The following PELI1 variants were observed in gnomAD, a reference collection of about 807,000 sequenced individuals.
PELI1 encodes the protein pellino E3 ubiquitin protein ligase 1, also known as E3 ubiquitin-protein ligase pellino homolog 1.
Under a neutral mutation model 41.3 loss-of-function variants are expected in PELI1, and 15 were observed. The ratio of observed to expected loss-of-function variants is 0.36; its 90% CI spans 0.24 to 0.56. The LOEUF is 0.56. PELI1 is among the 20% of genes least tolerant of loss of function. The pLI is 0.82. For synonymous variants in PELI1, 178 were observed against 180.1 expected (o/e 0.99, Z 0.09); for missense variants, 403 against 525.5 (o/e 0.77, Z 2.28).
Position 64,093,389 on chromosome 2 carries a change from G to C in PELI1, c.*1313C>G, listed in dbSNP as rs549228302. ...TAAAAGTGTACTGGTTTCTACAAGT[G>C]TCAAAAAAAGATTTGATGTAGTGCA... On this transcript the variant is annotated 3_prime_UTR_variant, in exon 7 of 7. Coordinates refer to ENST00000358912, the MANE Select transcript of PELI1 (RefSeq NM_020651.4). 6.5e-6 allele frequency: 1 copy of C among 152,728 alleles called. No individual in the cohort carries two copies. Among genetic ancestry groups the C allele is most frequent in the East Asian group, 1.9e-4 (1 of 5,196 alleles). The allele number at this position is 152,728 out of a possible 1,614,324, so 9.5% of individuals were successfully genotyped here. A position where few individuals can be genotyped will look rare whatever the true frequency, so the allele number is the denominator to read the frequency against.
At chr2:64,110,198 T>C (rs1225038564) in intron 1 of PELI1, among the ~76,000 whole-genome samples, 5 of 143,688 alleles carry the variant, frequency 3.5e-5, no homozygotes, top group Non-Finnish European at 6.0e-5. Flanking sequence ...TGAGCCAAAA[T>C]TGCGCCACTG....
At chr2:64,140,813 A>AAAAAAAAC (rs1681886253) in intron 1 of PELI1, among the ~76,000 whole-genome samples, 2 of 148,672 alleles carry the variant, frequency 1.3e-5, no homozygotes, top group East Asian at 1.9e-4. Flanking sequence ...ACAAACAAAA[A>AAAAAAAAC]AAAACCTAGG....
At position 64,095,313 on chromosome 2, in the gene PELI1, G is replaced by C. The variant is rs534091975; in HGVS notation, c.691-45C>G. On this transcript the variant is annotated intron_variant, in intron 6 of 6. Coordinates refer to ENST00000358912, the MANE Select transcript of PELI1 (RefSeq NM_020651.4). Reference sequence around the variant, plus strand: ...AAAAACATATTCACCACTCTGTTTTGGATTTTTACATAAGTGTTTTGGTTT... The same window carrying C: ...AAAAACATATTCACCACTCTGTTTTCGATTTTTACATAAGTGTTTTGGTTT... 32 of 1,383,874 alleles carry C rather than the reference G, an allele frequency of 2.3e-5. No individual in the cohort carries two copies. In the African/African-American group the frequency reaches 3.6e-4, roughly 15 times the overall value. The allele number at this position is 1,383,874 out of a possible 1,614,324, so 85.7% of individuals were successfully genotyped here. A position where few individuals can be genotyped will look rare whatever the true frequency, so the allele number is the denominator to read the frequency against.
intron 1 of PELI1, among the ~76,000 whole-genome samples, chr2:64,140,913 G>C (rs886966131): frequency 6.6e-6 from 1 of 150,982 alleles, no homozygotes; most frequent in Non-Finnish European, 1.5e-5. Context: ...AATATTCTAT[G>C]GCACAGGTCA....
At chr2:64,133,213 T>G (rs1681607984) in intron 1 of PELI1, among the ~76,000 whole-genome samples, 2 of 152,124 alleles carry the variant, frequency 1.3e-5, no homozygotes, top group Non-Finnish European at 2.9e-5. Flanking sequence ...CCCCCATGAG[T>G]TTTCTTCAAT....
At chr2:64,120,405 C>A (rs1681168511) in intron 1 of PELI1, among the ~76,000 whole-genome samples, 1 of 152,218 alleles carries the variant, frequency 6.6e-6, no homozygotes, top group Non-Finnish European at 1.5e-5. Context: ...TAAAAGAATA[C>A]TAAAATTAAG....
At chr2:64,126,664 A>G (rs1681396659) in intron 1 of PELI1, among the ~76,000 whole-genome samples, 2 of 152,230 alleles carry the variant, frequency 1.3e-5, no homozygotes, top group African/African-American at 4.8e-5. Flanking sequence ...TAGAACAGAT[A>G]TCATATTAAT....
chr2:64,102,820 AGAG>A (rs1397730527), intron 3 of PELI1, among the ~76,000 whole-genome samples: 1 of 151,376 alleles, frequency 6.6e-6, no homozygotes, highest in African/African-American at 2.4e-5. Context: ...CAAAATTTAA[AGAG>A]GAGGAGTCAA....
intron 1 of PELI1, among the ~76,000 whole-genome samples, chr2:64,114,937 CACACAGTAA>C (rs1483584373): frequency 6.6e-6 from 1 of 152,108 alleles, no homozygotes; most frequent in Non-Finnish European, 1.5e-5. Context: ...TACTTCTTGG[CACACAGTAA>C]GGTACTTAAT....
At chr2:64,142,867 T>C (rs1681958351) in intron 1 of PELI1, among the ~76,000 whole-genome samples, 1 of 152,160 alleles carries the variant, frequency 6.6e-6, no homozygotes, top group Non-Finnish European at 1.5e-5. Flanking sequence ...CAAAAGATCA[T>C]GTGCAATGAA....
intron 2 of PELI1, among the ~76,000 whole-genome samples, chr2:64,107,006 G>A (rs1484057423): frequency 6.6e-6 from 1 of 152,132 alleles, no homozygotes; most frequent in Admixed American, 6.5e-5. Context: ...TCAGCTCACT[G>A]CAACCTCCTC....
At chr2:64,109,208 T>C (rs1160568922) in intron 1 of PELI1, among the ~76,000 whole-genome samples, 1 of 152,152 alleles carries the variant, frequency 6.6e-6, no homozygotes, top group Non-Finnish European at 1.5e-5. Context: ...GTAGGGACCC[T>C]TGACTTCTAT....
At chr2:64,104,951 A>C (rs1680573509) in intron 2 of PELI1, 121 bp from the exon 3 acceptor site, 1 of 767,766 alleles carries the variant, frequency 1.3e-6, no homozygotes, top group Admixed American at 3.1e-5. Flanking sequence ...CATTATAATT[A>C]TTTAAAATTC....
At chr2:64,117,674 A>G (rs754241770) in intron 1 of PELI1, among the ~76,000 whole-genome samples, 59 of 152,380 alleles carry the variant, frequency 3.9e-4, no homozygotes, top group Non-Finnish European at 7.1e-4. Context: ...AGAAATCATT[A>G]TTAAAAGATG....
At chr2:64,111,175 CAG>C (rs1338957150) in intron 1 of PELI1, among the ~76,000 whole-genome samples, 1 of 152,092 alleles carries the variant, frequency 6.6e-6, no homozygotes, top group Non-Finnish European at 1.5e-5. Context: ...CCTCCACCAA[CAG>C]ATTTCATAGG....
chr2:64,130,307 A>G (rs1365463035), intron 1 of PELI1, among the ~76,000 whole-genome samples: 3 of 152,198 alleles, frequency 2.0e-5, no homozygotes, highest in Non-Finnish European at 4.4e-5. Flanking sequence ...CTACGTTCAT[A>G]TATCAGACAT....
chr2:64,100,365 T>G lies in PELI1; in HGVS notation c.303+33A>C, dbSNP rs776578627. ...ACAATAGATTTTTAACTTTTTCGTTTCTTAAGAAAAAAAATTTAAGATGTT... is the reference window on the plus strand; with the variant it reads ...ACAATAGATTTTTAACTTTTTCGTTGCTTAAGAAAAAAAATTTAAGATGTT... On this transcript the variant is annotated intron_variant, in intron 4 of 6. Transcript: ENST00000358912. 5.2e-6 allele frequency: 6 copies of G among 1,154,040 alleles called. No individual in the cohort carries two copies. In the African/African-American group the frequency reaches 6.0e-5, roughly 11 times the overall value. 71.5% of individuals were successfully genotyped at this position (1,154,040 alleles called of 1,614,324 possible).
At chr2:64,142,112 C>T (rs1283174529) in intron 1 of PELI1, among the ~76,000 whole-genome samples, 1 of 152,118 alleles carries the variant, frequency 6.6e-6, no homozygotes, top group African/African-American at 2.4e-5. Context: ...TTCTACCATG[C>T]TAATAAAAAG....
chr2:64,104,681 C>G lies in PELI1; in HGVS notation c.201+20G>C, dbSNP rs529043995. 1 of 1,465,644 alleles carries G rather than the reference C, an allele frequency of 6.8e-7. No individual in the cohort carries two copies. The highest frequency in any genetic ancestry group is 9.0e-7 in the Non-Finnish European group (1 of 1,108,232). The allele number at this position is 1,465,644 out of a possible 1,614,324, so 90.8% of individuals were successfully genotyped here. On this transcript the variant is annotated intron_variant, in intron 3 of 6. Coordinates refer to ENST00000358912, the MANE Select transcript of PELI1 (RefSeq NM_020651.4). ...AAATTCTCCAAGTTAATTTATGTAG[C>G]TTTTTTTTTTTTTTTTTACCTTTGC...
Sources: allele counts gnomAD v4.1 joint callset (sites outside exome capture counted in the v4.1 genomes callset), GRCh38; gene constraint gnomAD v4.1.1; transcripts MANE v1.5; gene names NCBI Gene and HGNC (gene_info 2026-07-23, HGNC 2026-07-21).